The following VDAC1 variants were observed in gnomAD, a reference collection of about 807,000 sequenced individuals.
The protein encoded by VDAC1 is non-selective voltage-gated ion channel VDAC1.
VDAC1 carries 10 observed loss-of-function variants against 34.7 expected under a neutral mutation model. That is an observed-to-expected ratio of 0.29 (90% CI 0.18 to 0.49). VDAC1 has a LOEUF of 0.49. Ranked by LOEUF, VDAC1 falls within the 20% of genes least tolerant of loss-of-function variation. The probability of loss-of-function intolerance (pLI) is 0.99; values close to 1 mark genes in which losing one functional copy is unlikely to be tolerated. For synonymous variants in VDAC1, 130 were observed against 136.0 expected (o/e 0.96, Z 0.30); for missense variants, 230 against 347.9 (o/e 0.66, Z 2.69).
chr5:133,988,398 C>T (rs1415506740), intron 5 of VDAC1, among the ~76,000 whole-genome samples: 1 of 151,804 alleles, frequency 6.6e-6, no homozygotes, highest in East Asian at 1.9e-4. Context: ...ACCAGCCTGA[C>T]CAACATGGAG....
the VDAC1 span, among the ~76,000 whole-genome samples, chr5:134,064,918 C>A: frequency 1.3e-5 from 2 of 151,944 alleles, no homozygotes; most frequent in Admixed American, 1.3e-4. Flanking sequence ...TGGGGTCTTG[C>A]CATATTGCCC....
chr5:134,020,216 C>A, the VDAC1 span, among the ~76,000 whole-genome samples: 8 of 151,988 alleles, frequency 5.3e-5, no homozygotes, highest in Non-Finnish European at 1.5e-5. Context: ...CCTGCCAGAG[C>A]CAGCATAGTC....
the VDAC1 span, among the ~76,000 whole-genome samples, chr5:134,097,596 C>T: frequency 2.0e-5 from 3 of 152,220 alleles, no homozygotes; most frequent in African/African-American, 7.2e-5. Flanking sequence ...TCGGTTCACC[C>T]TGTAGAGGTC....
chr5:133,977,226 A>G (rs1752515280), intron 6 of VDAC1, among the ~76,000 whole-genome samples: 1 of 152,194 alleles, frequency 6.6e-6, no homozygotes, highest in Non-Finnish European at 1.5e-5. Context: ...AGCCTCTTGG[A>G]GGAGCAGCAC....
At chr5:134,000,821 C>T (rs2127019803) in intron 1 of VDAC1, among the ~76,000 whole-genome samples, 1 of 152,232 alleles carries the variant, frequency 6.6e-6, no homozygotes, top group Non-Finnish European at 1.5e-5. Flanking sequence ...CACAAGTTTT[C>T]ATTTTGTATA....
chr5:134,082,186 AAG>A, the VDAC1 span: 1 of 152,194 alleles, frequency 6.6e-6, no homozygotes, highest in African/African-American at 2.4e-5. Context: ...CAGCACTCCC[AAG>A]AGTTTTCTTG....
intron 1 of VDAC1, among the ~76,000 whole-genome samples, chr5:133,999,204 C>T (rs1753445018): frequency 6.6e-6 from 1 of 152,128 alleles, no homozygotes; most frequent in African/African-American, 2.4e-5. Flanking sequence ...GGCAGATGAG[C>T]TTTGCACCCC....
At chr5:134,080,423 T>C in the VDAC1 span, among the ~76,000 whole-genome samples, 1 of 148,436 alleles carries the variant, frequency 6.7e-6, no homozygotes. Context: ...GCCCTTGGTC[T>C]CTCCCAGCCC....
At chr5:134,034,563 C>T in the VDAC1 span, among the ~76,000 whole-genome samples, 41 of 152,198 alleles carry the variant, frequency 2.7e-4, no homozygotes, top group African/African-American at 9.7e-4. Flanking sequence ...AGGGTTTTCT[C>T]CCAGAGCCCG....
At chr5:134,071,980 C>T in the VDAC1 span, among the ~76,000 whole-genome samples, 1 of 152,096 alleles carries the variant, frequency 6.6e-6, no homozygotes, top group African/African-American at 2.4e-5. The surrounding 1 kb of genome is among the most constrained non-coding windows in gnomAD (Gnocchi z 4.1). Flanking sequence ...CCCCAGGGCT[C>T]CTTTGGCATC....
At chr5:134,077,610 T>G in the VDAC1 span, among the ~76,000 whole-genome samples, 1 of 152,204 alleles carries the variant, frequency 6.6e-6, no homozygotes, top group African/African-American at 2.4e-5. Context: ...CAACTCTGTT[T>G]AAGAGCTTAA....
At chr5:134,017,195 G>A in the VDAC1 span, among the ~76,000 whole-genome samples, 8 of 152,186 alleles carry the variant, frequency 5.3e-5, no homozygotes, top group South Asian at 8.3e-4. Flanking sequence ...AGCCGGGCGC[G>A]GTGGCTCATG....
In VDAC1 at chr5:134,001,715, T is replaced by TG. The variant is rs548506143; in HGVS notation, c.-7+3179_-7+3180insC. Among the ~76,000 whole-genome samples the TG allele has an allele frequency of 3.6e-5, 4 of 110,450 alleles. No homozygotes were observed. In the South Asian group the frequency reaches 1.3e-3, roughly 35 times the overall value. 72.5% of individuals were successfully genotyped at this position (110,450 alleles called of 152,430 possible). ...CTGGGCAACAGAGTGAGACTCCATC[T>TG]AAAAAAAAAAAAAAAAAAAAGAGAG... On this transcript the variant is annotated intron_variant, in intron 1 of 8. Transcript: ENST00000265333.
the VDAC1 span, among the ~76,000 whole-genome samples, chr5:134,020,874 G>A: frequency 3.9e-5 from 6 of 152,018 alleles, no homozygotes; most frequent in Admixed American, 6.6e-5. Flanking sequence ...GCCTTCTGGG[G>A]AGGCCAGTCA....
chr5:134,006,234 A>T (rs1368358036), upstream of VDAC1, among the ~76,000 whole-genome samples: 1 of 152,106 alleles, frequency 6.6e-6, no homozygotes, highest in African/African-American at 2.4e-5. Flanking sequence ...GTTGCCTGGG[A>T]ACTCTGGGCT....
At chr5:134,048,305 C>T in the VDAC1 span, among the ~76,000 whole-genome samples, 3 of 148,752 alleles carry the variant, frequency 2.0e-5, no homozygotes, top group East Asian at 4.0e-4. Flanking sequence ...CTCGCTCTGT[C>T]GCCCAGGCTG....
At chr5:134,074,462 G>T in the VDAC1 span, among the ~76,000 whole-genome samples, 1 of 152,122 alleles carries the variant, frequency 6.6e-6, no homozygotes, top group East Asian at 1.9e-4. Flanking sequence ...GCCTGGGTGG[G>T]AGTTGGGCCC....
the VDAC1 span, among the ~76,000 whole-genome samples, chr5:134,040,731 A>G: frequency 6.6e-6 from 1 of 152,228 alleles, no homozygotes; most frequent in Non-Finnish European, 1.5e-5. Flanking sequence ...TGTCTCAAAT[A>G]TAAAATTAAA....
At chr5:134,020,000 C>T in the VDAC1 span, among the ~76,000 whole-genome samples, 2 of 152,074 alleles carry the variant, frequency 1.3e-5, no homozygotes, top group East Asian at 1.9e-4. Context: ...AGCTCGCAAG[C>T]GTCCCTGCCT....
Sources: gnomAD v4.1 joint callset for allele counts (sites outside exome capture counted in the v4.1 genomes callset) on GRCh38, gnomAD v4.1.1 for gene constraint, Gnocchi (gnomAD v3.1) non-coding constraint, MANE v1.5 for transcripts, NCBI Gene and HGNC (gene_info 2026-07-23, HGNC 2026-07-21) for gene names.